Variants in XPR1 observed in about 807,000 individuals in gnomAD.
The protein encoded by XPR1 is solute carrier family 53 member 1.
XPR1 carries 28 observed loss-of-function variants against 87.5 expected under a neutral mutation model. That is an observed-to-expected ratio of 0.32 (90% CI 0.24 to 0.44). XPR1 has a LOEUF of 0.44. Ranked by LOEUF, XPR1 falls within the 20% of genes least tolerant of loss-of-function variation. XPR1 has a pLI of 1.00. For synonymous variants in XPR1, 300 were observed against 306.1 expected, an observed-to-expected ratio of 0.98 and a Z score of 0.21; for missense variants, 559 against 862.3, an observed-to-expected ratio of 0.65 and a Z score of 4.41.
Position 180,682,397 on chromosome 1 carries a change from C to T in XPR1, c.107C>T (p.Ala36Val). 6.2e-7 allele frequency: 1 copy of T among 1,601,372 alleles called. No homozygotes were observed. The highest frequency in any genetic ancestry group is 1.1e-5 in the South Asian group (1 of 88,630). ...KDMLYSAQDQ[A>V]PSVEVTDEDT... ...ATGCTGTATTCAGCTCAGGACCAGG[C>T]ACCTTCTGTGGAAGGTAAGATGAAT... The change falls in exon 2 of 15, where the codon GCA (alanine) becomes GTA (valine). Residue 36 changes from alanine (A) to valine (V), a missense_variant. Coordinates refer to ENST00000367590, the MANE Select transcript of XPR1 (RefSeq NM_004736.4).
intron 1 of XPR1, among the ~76,000 whole-genome samples, chr1:180,659,536 T>A (rs1215028300): frequency 7.1e-6 from 1 of 140,590 alleles, no homozygotes; most frequent in Non-Finnish European, 1.5e-5. Context: ...TGGTGCAATC[T>A]CAGCTCACTG....
At chr1:180,692,276 A>G (rs915869484) in intron 2 of XPR1, among the ~76,000 whole-genome samples, 3 of 152,086 alleles carry the variant, frequency 2.0e-5, no homozygotes, top group African/African-American at 7.2e-5. Context: ...AGGGACTAGT[A>G]GTGAGGTTAA....
At chr1:180,686,148 A>G (rs1478259178) in intron 2 of XPR1, among the ~76,000 whole-genome samples, 2 of 151,866 alleles carry the variant, frequency 1.3e-5, no homozygotes, top group East Asian at 3.9e-4. Context: ...TCCTCTACAC[A>G]CTGCTTTGAA....
At chr1:180,654,722 A>G (rs1655398174) in intron 1 of XPR1, among the ~76,000 whole-genome samples, 1 of 152,150 alleles carries the variant, frequency 6.6e-6, no homozygotes, top group South Asian at 2.1e-4. Context: ...AGGTGCATCT[A>G]TGTTGTGCAT....
At chr1:180,707,544 A>C (rs1293029082) in intron 2 of XPR1, among the ~76,000 whole-genome samples, 8 of 152,214 alleles carry the variant, frequency 5.3e-5, no homozygotes, top group African/African-American at 1.9e-4. Context: ...GTACCTACAT[A>C]ACACTATCTG....
intron 1 of XPR1, among the ~76,000 whole-genome samples, chr1:180,659,003 T>G (rs1655637581): frequency 6.6e-6 from 1 of 152,216 alleles, no homozygotes; most frequent in Non-Finnish European, 1.5e-5. Context: ...GTTGTTGAAT[T>G]TGGTTTGCTA....
At chr1:180,671,657 T>A (rs1003381176) in intron 1 of XPR1, among the ~76,000 whole-genome samples, 1 of 152,108 alleles carries the variant, frequency 6.6e-6, no homozygotes, top group Non-Finnish European at 1.5e-5. Context: ...TGGGATTACA[T>A]GTGTCAACTA....
At chr1:180,867,213 T>C (rs1473977824) in intron 12 of XPR1, among the ~76,000 whole-genome samples, 1 of 67,850 alleles carries the variant, frequency 1.5e-5, no homozygotes, top group Non-Finnish European at 2.9e-5. Flanking sequence ...AGTCTATCAT[T>C]GTTGGACATT....
chr1:180,842,968 A>C (rs72707403), intron 11 of XPR1, among the ~76,000 whole-genome samples: 2,395 of 152,296 alleles, frequency 0.016, 31 homozygotes, highest in Non-Finnish European at 0.025. Context: ...TTAAGAGTTC[A>C]TTTATGTCTG....
At chr1:180,846,710 G>A (rs1020471491) in intron 11 of XPR1, among the ~76,000 whole-genome samples, 1 of 152,100 alleles carries the variant, frequency 6.6e-6, no homozygotes, top group African/African-American at 2.4e-5. Context: ...GGCTCCCAAA[G>A]TGTTGGGATT....
intron 13 of XPR1, among the ~76,000 whole-genome samples, chr1:180,876,384 C>T (rs1366323777): frequency 6.6e-6 from 1 of 151,976 alleles, no homozygotes; most frequent in Admixed American, 6.5e-5. Flanking sequence ...ACCTGTAATC[C>T]CAGCACTTTG....
chr1:180,847,045 T>C (rs959725266), intron 11 of XPR1, among the ~76,000 whole-genome samples: 17 of 152,178 alleles, frequency 1.1e-4, no homozygotes, highest in African/African-American at 4.1e-4. Context: ...GGTAGAATTG[T>C]ACTACTTGTA....
intron 2 of XPR1, among the ~76,000 whole-genome samples, chr1:180,684,936 G>A (rs1262968180): frequency 6.6e-6 from 1 of 152,230 alleles, no homozygotes; most frequent in East Asian, 1.9e-4. Context: ...TGCAAACAGG[G>A]ACAATTTGAC....
intron 1 of XPR1, among the ~76,000 whole-genome samples, chr1:180,669,463 A>C (rs549272973): frequency 6.6e-6 from 1 of 151,708 alleles, no homozygotes; most frequent in Admixed American, 6.6e-5. Context: ...GCTCACTGCA[A>C]CCTCCGCCTT....
At chr1:180,752,561 C>T (rs138378409) in intron 2 of XPR1, among the ~76,000 whole-genome samples, 5 of 151,944 alleles carry the variant, frequency 3.3e-5, no homozygotes, top group South Asian at 4.2e-4. Context: ...CTCCCTACCA[C>T]GTTTCTTTGG....
Position 180,825,234 on chromosome 1 carries a change from A to T in XPR1, c.1024A>T (p.Ile342Phe). 6.2e-7 allele frequency: 1 copy of T among 1,614,018 alleles called. No individual in the cohort carries two copies. Among genetic ancestry groups the T allele is most frequent in the Non-Finnish European group, 8.5e-7 (1 of 1,179,962 alleles). Residue 342 changes from isoleucine to phenylalanine, a missense_variant, in exon 9 of 15, where the codon ATC becomes TTC. This residue lies in a region of XPR1 where 264 missense variants were observed against 377.2 expected (regional missense o/e 0.70). Coordinates refer to ENST00000367590, the MANE Select transcript of XPR1 (RefSeq NM_004736.4). ...ATGCTTCTTTGCTCCAATTAGTGTCATCCCCACATATGTGTATCCACTTGC... is the reference window on the plus strand; with the variant it reads ...ATGCTTCTTTGCTCCAATTAGTGTCTTCCCCACATATGTGTATCCACTTGC... ...LACFFAPISV[I>F]PTYVYPLALY...
intron 2 of XPR1, among the ~76,000 whole-genome samples, chr1:180,712,699 G>C (rs1244534914): frequency 6.6e-6 from 1 of 151,910 alleles, no homozygotes; most frequent in Non-Finnish European, 1.5e-5. Flanking sequence ...CCAGGTACTC[G>C]GGAGGCTGAG....
At chr1:180,776,053 AT>A (rs1452663986) in intron 2 of XPR1, among the ~76,000 whole-genome samples, 1 of 152,190 alleles carries the variant, frequency 6.6e-6, no homozygotes, top group African/African-American at 2.4e-5. Context: ...AAACAAAGGA[AT>A]TCTCTGAAAT....
chr1:180,661,315 T>C (rs1291333432), intron 1 of XPR1, among the ~76,000 whole-genome samples: 1 of 152,164 alleles, frequency 6.6e-6, no homozygotes, highest in African/African-American at 2.4e-5. Context: ...TTTTAACCCA[T>C]TCAATCACTC....
Sources: gnomAD v4.1 joint callset for allele counts (sites outside exome capture counted in the v4.1 genomes callset) on GRCh38, gnomAD v4.1.1 for gene constraint, gnomAD v4.1.1 regional missense constraint, MANE v1.5 for transcripts, NCBI Gene and HGNC (gene_info 2026-07-23, HGNC 2026-07-21) for gene names.